Variants in MAPK10 observed in about 807,000 individuals in gnomAD.
MAPK10 encodes JNK3 alpha protein kinase.
A neutral mutation model predicts 59.3 loss-of-function variants in MAPK10; 25 were observed. The observed-to-expected ratio is 0.42, with a 90% CI of 0.31 to 0.59. The LOEUF (loss-of-function observed/expected upper bound fraction) is 0.59, where lower values mean the gene tolerates loss of function less well. Ranked by LOEUF, MAPK10 falls within the 20% of genes least tolerant of loss-of-function variation. MAPK10 has a pLI of 0.15. For missense variants in MAPK10, 351 were observed against 568.9 expected (o/e 0.62, Z 3.90); for synonymous variants, 190 against 200.5 (o/e 0.95, Z 0.44).
At chr4:86,332,277 A>C (rs1192211535) in intron 2 of MAPK10, among the ~76,000 whole-genome samples, 5 of 152,226 alleles carry the variant, frequency 3.3e-5, no homozygotes, top group Non-Finnish European at 1.5e-5. Context: ...CTTTACCTTA[A>C]ATGAAACTTT....
chr4:86,089,604 G>A (rs1209548691), intron 9 of MAPK10: 1 of 202,064 alleles, frequency 4.9e-6, no homozygotes, highest in Non-Finnish European at 9.9e-6. Flanking sequence ...GAATCCTACT[G>A]ATTTTTATCA....
intron 10 of MAPK10, chr4:86,064,717 A>G (rs763512169): frequency 2.7e-5 from 7 of 254,824 alleles, no homozygotes; most frequent in South Asian, 6.3e-5. Flanking sequence ...TATAGGATAA[A>G]CAGAATAAAG....
intron 1 of MAPK10, among the ~76,000 whole-genome samples, chr4:86,566,825 T>C (rs774766445): frequency 2.2e-4 from 33 of 152,138 alleles, no homozygotes; most frequent in Non-Finnish European, 3.8e-4. Context: ...ATCCCAGCAC[T>C]TTGGGAGGTC....
chr4:86,309,628 G>C (rs963267576), intron 2 of MAPK10, among the ~76,000 whole-genome samples: 1 of 152,076 alleles, frequency 6.6e-6, no homozygotes, highest in Admixed American at 6.6e-5. Context: ...AATTAGTCTC[G>C]ATTCAATTCC....
At chr4:86,181,800 G>A (rs892069617) in intron 3 of MAPK10, among the ~76,000 whole-genome samples, 1 of 152,038 alleles carries the variant, frequency 6.6e-6, no homozygotes, top group African/African-American at 2.4e-5. Flanking sequence ...CAAAGAATGC[G>A]GTAAGTGCTG....
chr4:86,145,233 G>A lies in MAPK10; in HGVS notation c.236+14065C>T, dbSNP rs540692243. On this transcript the variant is annotated intron_variant, in intron 4 of 13. Coordinates refer to ENST00000641462, the MANE Select transcript of MAPK10 (RefSeq NM_138982.4). ...TATCTCTAGCCGGGCGTGGTGGCGC[G>A]CGCCTGTAGTCCCAGCTACACGGGA... Among the ~76,000 whole-genome samples, 33 of 91,814 alleles carry A rather than the reference G, an allele frequency of 3.6e-4. 3 individuals carry two copies. Among genetic ancestry groups the A allele is most frequent in the East Asian group, 1.6e-3 (6 of 3,678 alleles). 60.2% of individuals were successfully genotyped at this position (91,814 alleles called of 152,430 possible). A position where few individuals can be genotyped will look rare whatever the true frequency, so the allele number is the denominator to read the frequency against.
At chr4:86,179,873 C>G (rs1956590609) in intron 3 of MAPK10, among the ~76,000 whole-genome samples, 1 of 151,958 alleles carries the variant, frequency 6.6e-6, no homozygotes, top group Non-Finnish European at 1.5e-5. Flanking sequence ...AGACCTAAAA[C>G]TATAAAACTA....
chr4:86,469,263 A>AAACAG lies in MAPK10; in HGVS notation c.-262-114624_-262-114620dup, dbSNP rs1342585798. 4.6e-5 allele frequency among the ~76,000 whole-genome samples: 7 copies of AAACAG among 152,322 alleles called. No homozygotes were observed. In the East Asian group the frequency reaches 1.4e-3, roughly 29 times the overall value. ...TTTTTTGTCTCAAAAAAACAAAACA[A>AAACAG]AACAGAACAAAAAGAATTGTGATCA... On this transcript the variant is annotated intron_variant, in intron 1 of 4. Coordinates refer to the MAPK10 transcript ENST00000502302.
At chr4:86,592,130 C>T (rs1256381586) in intron 1 of MAPK10, among the ~76,000 whole-genome samples, 2 of 152,064 alleles carry the variant, frequency 1.3e-5, no homozygotes, top group Non-Finnish European at 2.9e-5. Context: ...TAACTATACA[C>T]ATGAAATAAT....
intron 1 of MAPK10, among the ~76,000 whole-genome samples, chr4:86,412,165 G>A (rs377209173): frequency 3.9e-4 from 59 of 152,256 alleles, no homozygotes; most frequent in Non-Finnish European, 8.1e-4. Context: ...ATGAAGCTTA[G>A]TTTGGCTGGA....
intron 2 of MAPK10, among the ~76,000 whole-genome samples, chr4:86,251,242 G>C (rs1359990193): frequency 6.6e-6 from 1 of 151,740 alleles, no homozygotes; most frequent in Non-Finnish European, 1.5e-5. Flanking sequence ...AGTTACATAT[G>C]TATACATGTG....
chr4:86,349,398 T>C (rs1335141162), intron 2 of MAPK10, among the ~76,000 whole-genome samples: 1 of 152,222 alleles, frequency 6.6e-6, no homozygotes, highest in African/African-American at 2.4e-5. Flanking sequence ...TTCTTCTTTC[T>C]TTTGTCAATC....
intron 2 of MAPK10, among the ~76,000 whole-genome samples, chr4:86,229,994 G>A (rs549295718): frequency 1.8e-3 from 279 of 152,312 alleles, no homozygotes; most frequent in Non-Finnish European, 2.8e-3. Flanking sequence ...CCATGAGGTC[G>A]AGACTGCTGT....
intron 2 of MAPK10, among the ~76,000 whole-genome samples, chr4:86,245,739 T>A (rs2093043600): frequency 6.6e-6 from 1 of 152,164 alleles, no homozygotes; most frequent in South Asian, 2.1e-4. Context: ...TAAAAAAATA[T>A]TTGATTGAAG....
intron 1 of MAPK10, chr4:86,358,781 T>G (rs1397550351): frequency 6.6e-6 from 1 of 152,206 alleles, no homozygotes; most frequent in Non-Finnish European, 1.5e-5. Flanking sequence ...AATACATAGA[T>G]TCTAACAAAT....
intron 2 of MAPK10, among the ~76,000 whole-genome samples, chr4:86,287,474 A>G (rs148362939): frequency 6.6e-6 from 1 of 152,200 alleles, no homozygotes; most frequent in Non-Finnish European, 1.5e-5. Flanking sequence ...TATTCATCAC[A>G]AGATAGGAAA....
intron 1 of MAPK10, among the ~76,000 whole-genome samples, chr4:86,372,564 G>GAAAGAAAGAAAGAAAAAGAAAAGA: frequency 1.1e-3 from 84 of 78,716 alleles, no homozygotes; most frequent in Admixed American, 3.3e-3. Flanking sequence ...AAGAAAGAAA[G>GAAAGAAAGAAAGAAAAAGAAAAGA]AAAGAAAAGA....
chr4:86,500,206 G>C (rs1021467410), intron 1 of MAPK10, among the ~76,000 whole-genome samples: 1 of 152,158 alleles, frequency 6.6e-6, no homozygotes, highest in South Asian at 2.1e-4. Flanking sequence ...TAGCTATGGT[G>C]ATTTGATCCT....
chr4:86,161,296 A>G (rs183999953), intron 3 of MAPK10, among the ~76,000 whole-genome samples: 21 of 152,230 alleles, frequency 1.4e-4, no homozygotes, highest in Non-Finnish European at 5.9e-5. Flanking sequence ...ATTAAACAAG[A>G]CTATTAAAAA....
Sources: gnomAD v4.1 joint callset for allele counts (sites outside exome capture counted in the v4.1 genomes callset) on GRCh38, gnomAD v4.1.1 for gene constraint, MANE v1.5 for transcripts, NCBI Gene and HGNC (gene_info 2026-07-23, HGNC 2026-07-21) for gene names.